PDE4B: variants seen among roughly 807,000 people sequenced by gnomAD.
The protein encoded by PDE4B is phosphodiesterase 4B, also known as 3',5'-cyclic-AMP phosphodiesterase 4B.
PDE4B carries 20 observed loss-of-function variants against 82.2 expected under a neutral mutation model. That is an observed-to-expected ratio of 0.24 (90% CI 0.17 to 0.35). PDE4B has a LOEUF of 0.35. PDE4B is among the 10% of genes least tolerant of loss of function. The pLI is 1.00. For synonymous variants in PDE4B, 320 were observed against 318.9 expected, an observed-to-expected ratio of 1.00 and a Z score of -0.04; for missense variants, 655 against 907.2, an observed-to-expected ratio of 0.72 and a Z score of 3.57.
At chr1:65,831,585 T>C (rs985813179) in intron 1 of PDE4B, among the ~76,000 whole-genome samples, 5 of 152,304 alleles carry the variant, frequency 3.3e-5, no homozygotes, top group African/African-American at 1.2e-4. Flanking sequence ...GCAAATTCTA[T>C]GAAACATTTA....
At chr1:66,300,598 C>A (rs146497169) in intron 7 of PDE4B, among the ~76,000 whole-genome samples, 1 of 152,154 alleles carries the variant, frequency 6.6e-6, no homozygotes, top group Non-Finnish European at 1.5e-5. Flanking sequence ...TTTCCATTCC[C>A]CAGTCACTCA....
At chr1:65,975,021 G>A (rs552175059) in intron 3 of PDE4B, among the ~76,000 whole-genome samples, 30 of 152,322 alleles carry the variant, frequency 2.0e-4, no homozygotes, top group Admixed American at 1.2e-3. Flanking sequence ...ATGCTCAAAG[G>A]TTGGAACAGT....
chr1:66,216,124 T>C (rs999701147), intron 3 of PDE4B, among the ~76,000 whole-genome samples: 14 of 151,958 alleles, frequency 9.2e-5, no homozygotes, highest in Admixed American at 8.5e-4. Context: ...GGTTAAACAT[T>C]ATTTTGGGTG....
intron 1 of PDE4B, among the ~76,000 whole-genome samples, chr1:65,793,777 C>T (rs527744754): frequency 8.9e-4 from 136 of 152,302 alleles, no homozygotes; most frequent in African/African-American, 3.2e-3. Context: ...GAAGATTTGT[C>T]TGGTGTTTGG....
At chr1:66,126,694 A>G (rs1169933259) in intron 3 of PDE4B, among the ~76,000 whole-genome samples, 1 of 152,248 alleles carries the variant, frequency 6.6e-6, no homozygotes, top group Non-Finnish European at 1.5e-5. Flanking sequence ...TGCAGGCAAG[A>G]TCCACCAGTG....
In PDE4B at chr1:66,097,640, A is replaced by G. The variant is rs558464623; in HGVS notation, c.282-149820A>G. Among the ~76,000 whole-genome samples, 4 of 152,104 alleles carry G rather than the reference A, an allele frequency of 2.6e-5. No homozygotes were observed. In the South Asian group the frequency reaches 8.3e-4, roughly 32 times the overall value. ...TCCAGTTGGCTCTTGGTTATAGCCTATACTTTTTTCTTCCATTATTTTATA... is the reference window on the plus strand; with the variant it reads ...TCCAGTTGGCTCTTGGTTATAGCCTGTACTTTTTTCTTCCATTATTTTATA... On this transcript the variant is annotated intron_variant, in intron 3 of 16. Transcript: ENST00000341517.
chr1:66,309,459 G>A (rs1658517653), intron 7 of PDE4B, among the ~76,000 whole-genome samples: 1 of 152,190 alleles, frequency 6.6e-6, no homozygotes, highest in African/African-American at 2.4e-5. Context: ...ATATAAGACA[G>A]TACTTTCCAA....
chr1:66,124,965 T>C (rs907261532), intron 3 of PDE4B, among the ~76,000 whole-genome samples: 2 of 151,548 alleles, frequency 1.3e-5, no homozygotes, highest in Non-Finnish European at 1.5e-5. Context: ...AATGGCAGCC[T>C]GTCCAGGGCT....
intron 3 of PDE4B, among the ~76,000 whole-genome samples, chr1:66,107,274 C>G (rs1315035946): frequency 6.6e-6 from 1 of 152,002 alleles, no homozygotes; most frequent in Non-Finnish European, 1.5e-5. Flanking sequence ...ATCCTGAATT[C>G]TAGTCTGATT....
chr1:65,836,751 T>C (rs1441697803), intron 1 of PDE4B, among the ~76,000 whole-genome samples: 1 of 152,194 alleles, frequency 6.6e-6, no homozygotes, highest in Non-Finnish European at 1.5e-5. Context: ...ATATAAAAGA[T>C]TATTGTTCTC....
At chr1:66,097,823 A>T in intron 3 of PDE4B, among the ~76,000 whole-genome samples, 1 of 146,852 alleles carries the variant, frequency 6.8e-6, no homozygotes. Context: ...CTTTTTATTA[A>T]TTATTGGACT....
intron 3 of PDE4B, among the ~76,000 whole-genome samples, chr1:66,195,345 C>T (rs1329862314): frequency 6.6e-6 from 1 of 152,020 alleles, no homozygotes; most frequent in Non-Finnish European, 1.5e-5. Flanking sequence ...CAATAGCACC[C>T]AAAGGTTTAA....
At chr1:65,882,394 G>T (rs1398227441) in intron 1 of PDE4B, among the ~76,000 whole-genome samples, 6 of 152,190 alleles carry the variant, frequency 3.9e-5, no homozygotes, top group Non-Finnish European at 8.8e-5. Flanking sequence ...TTTAAACTCA[G>T]CTGGGTTGTT....
intron 7 of PDE4B, among the ~76,000 whole-genome samples, chr1:66,310,047 A>C (rs1319662119): frequency 6.6e-6 from 1 of 152,096 alleles, no homozygotes. Context: ...GCCTCTGGGC[A>C]CCTACAAAAT....
chr1:66,247,477 G>A lies in PDE4B; in HGVS notation c.299G>A (p.Gly100Asp). The A allele has an allele frequency of 1.3e-6, 2 of 1,576,304 alleles. No homozygotes were observed. Among genetic ancestry groups the A allele is most frequent in the Middle Eastern group, 1.7e-4 (1 of 5,816 alleles). The change falls in exon 4 of 17, where the codon GGC (glycine) becomes GAC (aspartate). Residue 100 changes from glycine to aspartate, a missense_variant. Coordinates refer to ENST00000341517, the MANE Select transcript of PDE4B (RefSeq NM_002600.4). ...VSQECFDVEN[G>D]PSPGRSPLDP... Reference sequence around the variant, plus strand: ...TCTTTAAGCTTTGATGTGGAAAATGGCCCTTCCCCAGGTCGGAGTCCACTG... The same window carrying A: ...TCTTTAAGCTTTGATGTGGAAAATGACCCTTCCCCAGGTCGGAGTCCACTG...
chr1:65,914,318 C>T (rs946969267), intron 2 of PDE4B, among the ~76,000 whole-genome samples: 8 of 152,132 alleles, frequency 5.3e-5, no homozygotes, highest in Non-Finnish European at 7.3e-5. Context: ...CTGTAGGACC[C>T]ACAGTGCAGA....
intron 3 of PDE4B, among the ~76,000 whole-genome samples, chr1:65,931,045 A>T (rs139132391): frequency 3.5e-4 from 54 of 152,260 alleles, no homozygotes; most frequent in African/African-American, 1.2e-3. Flanking sequence ...ATGGCTTAGC[A>T]CCATCCCCTC....
intron 3 of PDE4B, among the ~76,000 whole-genome samples, chr1:66,068,636 T>A (rs1458548287): frequency 6.6e-6 from 1 of 151,902 alleles, no homozygotes; most frequent in Non-Finnish European, 1.5e-5. Flanking sequence ...CAATTGCAGA[T>A]GAAAATATAA....
At chr1:66,226,768 G>A (rs1315326901) in intron 3 of PDE4B, among the ~76,000 whole-genome samples, 3 of 152,216 alleles carry the variant, frequency 2.0e-5, no homozygotes, top group Admixed American at 6.5e-5. Context: ...GACAGCTATG[G>A]AAGATTTTAA....
Sources: allele counts gnomAD v4.1 joint callset (sites outside exome capture counted in the v4.1 genomes callset), GRCh38; gene constraint gnomAD v4.1.1; transcripts MANE v1.5; gene names NCBI Gene and HGNC (gene_info 2026-07-23, HGNC 2026-07-21).